Variants in PAN3 observed in about 807,000 individuals in gnomAD.
PAN3 encodes PAN2-PAN3 deadenylation complex subunit PAN3.
PAN3 carries 19 observed loss-of-function variants against 96.2 expected under a neutral mutation model. That is an observed-to-expected ratio of 0.20 (90% CI 0.14 to 0.29). The LOEUF (loss-of-function observed/expected upper bound fraction) is 0.29, where lower values mean the gene tolerates loss of function less well. Ranked by LOEUF, PAN3 falls within the 10% of genes least tolerant of loss-of-function variation. The pLI, the probability that PAN3 is intolerant of heterozygous loss-of-function variation, is 1.00. For missense variants in PAN3, 882 were observed against 1,108.1 expected (o/e 0.80, Z 2.90); for synonymous variants, 433 against 406.6 (o/e 1.06, Z -0.78).
chr13:28,259,821 A>G (rs915680713), intron 7 of PAN3, among the ~76,000 whole-genome samples: 1 of 151,820 alleles, frequency 6.6e-6, no homozygotes, highest in Admixed American at 6.6e-5. Flanking sequence ...TATTTTCAGT[A>G]GAGACCAGGT....
intron 1 of PAN3, among the ~76,000 whole-genome samples, chr13:28,159,393 C>G (rs947930156): frequency 6.6e-6 from 1 of 152,124 alleles, no homozygotes; most frequent in Non-Finnish European, 1.5e-5. Flanking sequence ...TAAGTGGGAA[C>G]TAAATATTGA....
intron 5 of PAN3, among the ~76,000 whole-genome samples, chr13:28,211,039 G>C (rs1221681326): frequency 1.3e-5 from 2 of 151,902 alleles, no homozygotes; most frequent in Admixed American, 6.6e-5. Flanking sequence ...CCACAGGTGC[G>C]TACCACCACA....
chr13:28,171,520 A>G (rs1874302313), intron 1 of PAN3, among the ~76,000 whole-genome samples: 1 of 152,214 alleles, frequency 6.6e-6, no homozygotes, highest in Admixed American at 6.5e-5. Context: ...TTGGCTACAA[A>G]TTGGGAGTTC....
intron 1 of PAN3, among the ~76,000 whole-genome samples, chr13:28,170,924 G>A (rs1026854720): frequency 6.6e-6 from 1 of 152,108 alleles, no homozygotes; most frequent in African/African-American, 2.4e-5. Flanking sequence ...AGCCTCCCGA[G>A]TAGCTGGGAC....
intron 6 of PAN3, among the ~76,000 whole-genome samples, chr13:28,250,074 T>C (rs1884576219): frequency 6.6e-6 from 1 of 152,220 alleles, no homozygotes; most frequent in Non-Finnish European, 1.5e-5. Context: ...CTGATACAGT[T>C]AGCATAATTA....
chr13:28,198,786 C>G (rs1878371993), intron 5 of PAN3, among the ~76,000 whole-genome samples: 1 of 152,152 alleles, frequency 6.6e-6, no homozygotes, highest in Non-Finnish European at 1.5e-5. Context: ...AAAGATATAA[C>G]AAAGGTAACA....
At chr13:28,262,003 TG>T (rs1885779171) in intron 9 of PAN3, among the ~76,000 whole-genome samples, 1 of 152,180 alleles carries the variant, frequency 6.6e-6, no homozygotes, top group African/African-American at 2.4e-5. Flanking sequence ...TGAAACTTAA[TG>T]AAGTATGGGT....
chr13:28,159,970 G>A (rs1461224486), intron 1 of PAN3, among the ~76,000 whole-genome samples: 6 of 150,518 alleles, frequency 4.0e-5, no homozygotes, highest in East Asian at 3.9e-4. Flanking sequence ...ACAGAGTCTC[G>A]CTCTATCACC....
At chr13:28,280,595 T>C in intron 16 of PAN3, 54 bp downstream of exon 16, 1 of 1,446,938 alleles carries the variant, frequency 6.9e-7, no homozygotes, top group Non-Finnish European at 9.1e-7. Flanking sequence ...AGAGTCTTGC[T>C]TTGTCACCCA....
intron 5 of PAN3, among the ~76,000 whole-genome samples, chr13:28,202,426 A>G (rs982257264): frequency 4.6e-5 from 7 of 151,880 alleles, no homozygotes; most frequent in African/African-American, 1.7e-4. Flanking sequence ...TTTTTTTAGG[A>G]TTTATTCTAC....
At chr13:28,184,988 A>G (rs147154267) in intron 4 of PAN3, among the ~76,000 whole-genome samples, 23 of 152,258 alleles carry the variant, frequency 1.5e-4, no homozygotes, top group African/African-American at 2.9e-4. Context: ...CTCTCATACT[A>G]TGTTTAAAAT....
intron 4 of PAN3, among the ~76,000 whole-genome samples, chr13:28,183,721 G>A (rs575292319): frequency 6.6e-6 from 1 of 152,286 alleles, no homozygotes; most frequent in African/African-American, 2.4e-5. Context: ...TAGATGCGAG[G>A]CAGTCAGGAT....
At chr13:28,263,999 T>C (rs957080708) in intron 9 of PAN3, among the ~76,000 whole-genome samples, 2 of 152,188 alleles carry the variant, frequency 1.3e-5, no homozygotes, top group African/African-American at 4.8e-5. Flanking sequence ...GTTTGCATTA[T>C]AGTTCACCCA....
intron 6 of PAN3, among the ~76,000 whole-genome samples, chr13:28,250,804 T>G (rs1884659773): frequency 6.6e-6 from 1 of 152,224 alleles, no homozygotes; most frequent in African/African-American, 2.4e-5. Context: ...ACATTCAGCC[T>G]CTGCTGAGAA....
intron 1 of PAN3, among the ~76,000 whole-genome samples, chr13:28,146,084 T>C (rs1420657859): frequency 6.6e-6 from 1 of 152,042 alleles, no homozygotes; most frequent in African/African-American, 2.4e-5. Context: ...TGATGAAAGG[T>C]ACACTTTTTT....
At chr13:28,168,603 C>A (rs1043950470) in intron 1 of PAN3, among the ~76,000 whole-genome samples, 1 of 152,124 alleles carries the variant, frequency 6.6e-6, no homozygotes, top group African/African-American at 2.4e-5. Context: ...CCTGTAATCC[C>A]AGTTACTTGG....
intron 17 of PAN3, among the ~76,000 whole-genome samples, chr13:28,282,439 A>G (rs1408684796): frequency 1.3e-5 from 2 of 152,180 alleles, no homozygotes; most frequent in Admixed American, 6.5e-5. Flanking sequence ...AGTGAAGAGA[A>G]CATAACAATA....
intron 6 of PAN3, among the ~76,000 whole-genome samples, chr13:28,241,220 G>A (rs1026260170): frequency 4.6e-5 from 7 of 151,960 alleles, no homozygotes; most frequent in African/African-American, 1.4e-4. Flanking sequence ...CCATGTTGGC[G>A]CCACTGCACT....
At chr13:28,144,577 A>G (rs1442722709) in intron 1 of PAN3, among the ~76,000 whole-genome samples, 1 of 152,060 alleles carries the variant, frequency 6.6e-6, no homozygotes, top group African/African-American at 2.4e-5. Flanking sequence ...AGATTGAGTT[A>G]ACAAATAAAG....
Sources: allele counts gnomAD v4.1 joint callset (sites outside exome capture counted in the v4.1 genomes callset), GRCh38; gene constraint gnomAD v4.1.1; transcripts MANE v1.5; gene names NCBI Gene and HGNC (gene_info 2026-07-23, HGNC 2026-07-21).